NEURL1: variants seen among roughly 807,000 people sequenced by gnomAD.
NEURL1 encodes the protein neuralized E3 ubiquitin protein ligase 1.
In NEURL1, 26 loss-of-function variants were observed where a neutral mutation model predicts 41.2. The ratio of observed to expected loss-of-function variants is 0.63; its 90% CI spans 0.46 to 0.87. NEURL1 has a LOEUF of 0.87. NEURL1 is among the 40% of genes least tolerant of loss of function. NEURL1 has a pLI of 0.00. For synonymous variants in NEURL1, 400 were observed against 402.3 expected, an observed-to-expected ratio of 0.99 and a Z score of 0.07; for missense variants, 761 against 871.1, an observed-to-expected ratio of 0.87 and a Z score of 1.59.
rs2035532704 is a variant in NEURL1 at position 103,571,102 on chromosome 10, G to C, written c.316G>C (p.Val106Leu). ...CCGCCCGGTCCTCATCTACGAGCAA[G>C]TCAGGCTGAAGGTGGGCCTGCCCCC... Reference protein sequence around the residue: ...SNRPVLIYEQVRLKITKKQCC... With the variant: ...SNRPVLIYEQLRLKITKKQCC... Residue 106 changes from valine (V) to leucine (L), a missense_variant, in exon 2 of 6, where the codon GTC (valine) becomes CTC (leucine). Around this residue, in one of 5 missense-constraint regions of NEURL1, gnomAD observed 65 missense variants for 131.6 expected, o/e 0.49. Transcript: ENST00000369780. 2 of 1,613,396 alleles carry C rather than the reference G, an allele frequency of 1.2e-6. No homozygotes were observed. The highest frequency in any genetic ancestry group is 1.7e-6 in the Non-Finnish European group (2 of 1,179,974).
At chr10:103,514,400 A>G (rs2034149326) in intron 1 of NEURL1, among the ~76,000 whole-genome samples, 1 of 152,078 alleles carries the variant, frequency 6.6e-6, no homozygotes, top group South Asian at 2.1e-4. Flanking sequence ...GCTGGTTACT[A>G]TCCCTCTCTG....
In NEURL1 at chr10:103,584,956, T is replaced by G. The variant is rs781209418; in HGVS notation, c.1070T>G (p.Val357Gly). 1 of 1,506,612 alleles carries G rather than the reference T, an allele frequency of 6.6e-7. No homozygotes were observed. The highest frequency in any genetic ancestry group is 2.1e-5 in the Admixed American group (1 of 46,910). 93.3% of individuals were successfully genotyped at this position (1,506,612 alleles called of 1,614,324 possible). A position where few individuals can be genotyped will look rare whatever the true frequency, so the allele number is the denominator to read the frequency against. ...CGGCCCGGCGCGCTGTCGTTCGGCG[T>G]CACCACGTGCGACCCCGGCACGCTG... Reference protein sequence around the residue: ...GARPGALSFGVTTCDPGTLRP... With the variant: ...GARPGALSFGGTTCDPGTLRP... Residue 357 changes from valine (V) to glycine (G), a missense_variant, in exon 4 of 6, where the codon GTC (valine) becomes GGC (glycine). Transcript: ENST00000369780.
In NEURL1 at chr10:103,584,951, C is replaced by T. The variant is rs367937591; in HGVS notation, c.1065C>T (p.Phe355=). 220 of 1,504,846 alleles carry T rather than the reference C, an allele frequency of 1.5e-4. 1 individual carries two copies. The highest frequency in any genetic ancestry group is 4.3e-4 in the Admixed American group (20 of 46,322). The allele number at this position is 1,504,846 out of a possible 1,614,324, so 93.2% of individuals were successfully genotyped here. ...GCGCGCGGCCCGGCGCGCTGTCGTT[C>T]GGCGTCACCACGTGCGACCCCGGCA... The part of the protein sequence containing the change: ...SGGARPGALS[F]GVTTCDPGTL... The change falls in exon 4 of 6, where the codon TTC becomes TTT. Residue 355 remains phenylalanine, a synonymous_variant. Coordinates refer to ENST00000369780, the MANE Select transcript of NEURL1 (RefSeq NM_004210.5).
At chr10:103,498,530 G>T (rs2986047) in intron 1 of NEURL1, among the ~76,000 whole-genome samples, 120,961 of 152,068 alleles carry the variant, frequency 0.8, 48,332 homozygotes, top group East Asian at 1. Context: ...CAGGCCCATT[G>T]TTTTTTATTG....
chr10:103,562,395 C>G (rs1261519441), intron 1 of NEURL1, among the ~76,000 whole-genome samples: 3 of 152,034 alleles, frequency 2.0e-5, no homozygotes, highest in Non-Finnish European at 2.9e-5. Flanking sequence ...AGCAAACAAA[C>G]AAACAAAAAA....
chr10:103,525,984 T>G (rs1286147428), intron 1 of NEURL1, among the ~76,000 whole-genome samples: 1 of 152,244 alleles, frequency 6.6e-6, no homozygotes, highest in East Asian at 1.9e-4. Context: ...AAGTACTTTT[T>G]GTGCATCTAT....
rs1374694590 is a variant in NEURL1, at chr10:103,566,564, T to C, written c.86-4308T>C. ...GTTCCTTTTTATTGCAGAGTAGTGA[T>C]TGCATGGAGCTGCCACATTTTTAAC... On this transcript the variant is annotated intron_variant, in intron 1 of 5. Coordinates refer to ENST00000369780, the MANE Select transcript of NEURL1 (RefSeq NM_004210.5). The surrounding 1 kb of genome is among the most constrained non-coding windows in gnomAD (Gnocchi z 4.2). Among the ~76,000 whole-genome samples, 1 of 152,240 alleles carries C rather than the reference T, an allele frequency of 6.6e-6. No individual in the cohort carries two copies. The highest frequency in any genetic ancestry group is 1.5e-5 in the Non-Finnish European group (1 of 68,052).
chr10:103,557,363 C>T (rs2035178532), intron 1 of NEURL1, among the ~76,000 whole-genome samples: 1 of 151,874 alleles, frequency 6.6e-6, no homozygotes, highest in Non-Finnish European at 1.5e-5. Flanking sequence ...GCAACCTGGG[C>T]CCAAGGTCAT....
intron 1 of NEURL1, among the ~76,000 whole-genome samples, chr10:103,559,426 G>A (rs555182397): frequency 1.5e-4 from 23 of 152,308 alleles, no homozygotes; most frequent in African/African-American, 5.3e-4. Flanking sequence ...GGGGTGGACA[G>A]AGGCCCTTGC....
rs567227356 is a variant in NEURL1, at chr10:103,531,510, G to A, written c.85+37038G>A. Among the ~76,000 whole-genome samples, 13 of 151,918 alleles carry A rather than the reference G, an allele frequency of 8.6e-5. No homozygotes were observed. In the South Asian group the frequency reaches 2.7e-3, roughly 32 times the overall value. On this transcript the variant is annotated intron_variant, in intron 1 of 5. Transcript: ENST00000369780. ...CTGCTGTGGCCTTCCAAAGTGCTGGGATTACAGATGTGAGCACCATGTCTG... is the reference window on the plus strand; with the variant it reads ...CTGCTGTGGCCTTCCAAAGTGCTGGAATTACAGATGTGAGCACCATGTCTG...
At chr10:103,585,296 G>A (rs781515514) in intron 4 of NEURL1, 71 bp downstream of exon 4, 1 of 1,304,062 alleles carries the variant, frequency 7.7e-7, no homozygotes, top group Non-Finnish European at 1.0e-6. Flanking sequence ...AGGAGACAAA[G>A]GGCGAGCTCC....
At chr10:103,534,170 G>T (rs1225618262) in intron 1 of NEURL1, among the ~76,000 whole-genome samples, 1 of 126,230 alleles carries the variant, frequency 7.9e-6, no homozygotes, top group Non-Finnish European at 1.6e-5. Context: ...TTATCAGATT[G>T]TCTATCTGTA....
chr10:103,532,920 C>CTTTTTTTT (rs144783148), intron 1 of NEURL1, among the ~76,000 whole-genome samples: 82 of 63,624 alleles, frequency 1.3e-3, no homozygotes, highest in Non-Finnish European at 1.8e-3. Flanking sequence ...TTCTCTTCTC[C>CTTTTTTTT]TTTTTTTTTT....
chr10:103,553,282 A>G (rs912889), intron 1 of NEURL1, among the ~76,000 whole-genome samples: 132,056 of 152,196 alleles, frequency 0.87, 57,711 homozygotes, highest in East Asian at 1. Context: ...ATGCAGTAAG[A>G]CCTCGTGTTT....
rs183553659 is a variant in NEURL1 at position 103,562,006 on chromosome 10, G to T, written c.86-8866G>T. ...CCTGCCAATTCATCAGTAGATAGAAGAATCAAACACTAGCAATTCATTCAG... is the reference window on the plus strand; with the variant it reads ...CCTGCCAATTCATCAGTAGATAGAATAATCAAACACTAGCAATTCATTCAG... On this transcript the variant is annotated intron_variant, in intron 1 of 5. Coordinates refer to ENST00000369780, the MANE Select transcript of NEURL1 (RefSeq NM_004210.5). 2.4e-3 allele frequency among the ~76,000 whole-genome samples: 366 copies of T among 152,318 alleles called. 1 individual carries two copies. Among genetic ancestry groups the T allele is most frequent in the African/African-American group, 7.2e-3 (298 of 41,568 alleles).
In NEURL1 at chr10:103,494,217, G is replaced by A. The variant is rs981929187; in HGVS notation, c.-171G>A. 1.9e-6 allele frequency: 1 copy of A among 531,442 alleles called. No homozygotes were observed. Among genetic ancestry groups the A allele is most frequent in the Non-Finnish European group, 3.3e-6 (1 of 306,204 alleles). 32.9% of individuals were successfully genotyped at this position (531,442 alleles called of 1,614,324 possible). On this transcript the variant is annotated 5_prime_UTR_variant, in exon 1 of 6. Transcript: ENST00000369780. ...GCGGGCGGAACCCGCCAAGGACCGC[G>A]AAGTCCAGAGAAAGGAAGCTGAGGA...
intron 1 of NEURL1, among the ~76,000 whole-genome samples, chr10:103,565,109 T>A (rs1310420490): frequency 6.6e-6 from 1 of 152,156 alleles, no homozygotes; most frequent in Non-Finnish European, 1.5e-5. Context: ...GGGGTGCTTA[T>A]TCCTGAGGCA....
chr10:103,542,586 T>A (rs975575456), intron 1 of NEURL1, among the ~76,000 whole-genome samples: 1 of 152,140 alleles, frequency 6.6e-6, no homozygotes, highest in South Asian at 2.1e-4. Context: ...TATTACCTCC[T>A]AGGTGATGCT....
intron 1 of NEURL1, among the ~76,000 whole-genome samples, chr10:103,507,989 C>T (rs1290765270): frequency 6.6e-6 from 1 of 152,164 alleles, no homozygotes. Flanking sequence ...AGATCAAAGC[C>T]CCAGACCCCC....
Sources: allele counts gnomAD v4.1 joint callset (sites outside exome capture counted in the v4.1 genomes callset), GRCh38; gene constraint gnomAD v4.1.1; regional missense constraint gnomAD v4.1.1; non-coding constraint Gnocchi (gnomAD v3.1); transcripts MANE v1.5; gene names NCBI Gene and HGNC (gene_info 2026-07-23, HGNC 2026-07-21).